Variants in CNTNAP2 observed in about 807,000 individuals in gnomAD.
CNTNAP2 encodes the protein contactin-associated protein-like 2.
A neutral mutation model predicts 155.2 loss-of-function variants in CNTNAP2; 98 were observed. That is an observed-to-expected ratio of 0.63 (90% CI 0.54 to 0.75). The LOEUF (loss-of-function observed/expected upper bound fraction) is 0.75, where lower values mean the gene tolerates loss of function less well. CNTNAP2 is among the 30% of genes least tolerant of loss of function. CNTNAP2 has a pLI of 0.00. For missense variants in CNTNAP2, 1,727 were observed against 1,688.1 expected (o/e 1.02, Z -0.40); for synonymous variants, 651 against 631.2 (o/e 1.03, Z -0.47).
At chr7:146,558,492 T>C (rs1472178943) in intron 1 of CNTNAP2, among the ~76,000 whole-genome samples, 2 of 152,186 alleles carry the variant, frequency 1.3e-5, no homozygotes, top group African/African-American at 2.4e-5. Context: ...AAGTTGGAGA[T>C]AAGTATGGAC....
At chr7:148,047,672 T>A (rs1418047357) in intron 15 of CNTNAP2, among the ~76,000 whole-genome samples, 1 of 152,230 alleles carries the variant, frequency 6.6e-6, no homozygotes, top group Non-Finnish European at 1.5e-5. Context: ...ATCATGAGTG[T>A]TATGCCACTC....
chr7:148,254,808 A>G (rs1411102547), intron 20 of CNTNAP2, among the ~76,000 whole-genome samples: 11 of 151,606 alleles, frequency 7.3e-5, no homozygotes, highest in Admixed American at 7.2e-4. Flanking sequence ...TAACCATAAC[A>G]TTATACAATT....
At chr7:148,047,151 G>A (rs1005065388) in intron 15 of CNTNAP2, among the ~76,000 whole-genome samples, 4 of 151,958 alleles carry the variant, frequency 2.6e-5, no homozygotes, top group African/African-American at 9.7e-5. Context: ...ACTTGCCATT[G>A]GTCATTAATT....
chr7:146,731,688 A>G (rs1296863536), intron 1 of CNTNAP2, among the ~76,000 whole-genome samples: 3 of 152,282 alleles, frequency 2.0e-5, no homozygotes, highest in African/African-American at 7.2e-5. Flanking sequence ...GAAACTTAAA[A>G]CAGCACGGAT....
chr7:147,289,393 G>T (rs1449568034), intron 8 of CNTNAP2, among the ~76,000 whole-genome samples: 3 of 148,540 alleles, frequency 2.0e-5, no homozygotes, highest in Non-Finnish European at 4.5e-5. Context: ...ATTCAACAGA[G>T]AATCAAATAC....
intron 8 of CNTNAP2, among the ~76,000 whole-genome samples, chr7:147,290,404 G>A (rs1038202459): frequency 6.6e-6 from 1 of 152,108 alleles, no homozygotes; most frequent in South Asian, 2.1e-4. Context: ...GACACTGGCA[G>A]GGTGCAGTGG....
At chr7:146,611,873 C>T (rs1192438484) in intron 1 of CNTNAP2, among the ~76,000 whole-genome samples, 1 of 152,120 alleles carries the variant, frequency 6.6e-6, no homozygotes, top group East Asian at 1.9e-4. Context: ...GTCCACAGGC[C>T]AAACAGAAAG....
At chr7:146,226,593 G>T (rs1221376997) in intron 1 of CNTNAP2, among the ~76,000 whole-genome samples, 1 of 152,118 alleles carries the variant, frequency 6.6e-6, no homozygotes, top group East Asian at 1.9e-4. Context: ...ACAGGAGGTT[G>T]AGACTGCAGT....
chr7:147,361,712 C>T (rs900929196), intron 9 of CNTNAP2, among the ~76,000 whole-genome samples: 2 of 151,848 alleles, frequency 1.3e-5, no homozygotes, highest in Non-Finnish European at 2.9e-5. Context: ...AGAATTTTGT[C>T]TGTTTTTTTT....
chr7:147,201,612 G>C (rs1432703246), intron 8 of CNTNAP2, among the ~76,000 whole-genome samples: 1 of 152,142 alleles, frequency 6.6e-6, no homozygotes, highest in African/African-American at 2.4e-5. Flanking sequence ...GAATCAAACA[G>C]TAACACCTCT....
intron 15 of CNTNAP2, among the ~76,000 whole-genome samples, chr7:148,082,026 G>A (rs775549241): frequency 6.6e-6 from 1 of 151,990 alleles, no homozygotes; most frequent in Non-Finnish European, 1.5e-5. Flanking sequence ...TGCTCAGGCC[G>A]GTCTTGAACT....
intron 14 of CNTNAP2, among the ~76,000 whole-genome samples, chr7:147,949,876 C>T (rs1800896032): frequency 6.6e-6 from 1 of 152,064 alleles, no homozygotes; most frequent in Admixed American, 6.6e-5. Context: ...ATGGGTAGTA[C>T]CTGGTCACAG....
chr7:148,012,129 GCTGGC>G (rs746185906), intron 15 of CNTNAP2, among the ~76,000 whole-genome samples: 2 of 152,126 alleles, frequency 1.3e-5, no homozygotes. Context: ...TGTTGCCCAG[GCTGGC>G]CTCAAACTCC....
chr7:146,142,079 A>G (rs1465714342), intron 1 of CNTNAP2, among the ~76,000 whole-genome samples: 1 of 152,148 alleles, frequency 6.6e-6, no homozygotes, highest in African/African-American at 2.4e-5. Context: ...ATCTCACCAT[A>G]TTGCAATTAA....
At chr7:147,416,282 G>A (rs1487346127) in intron 10 of CNTNAP2, among the ~76,000 whole-genome samples, 6 of 152,254 alleles carry the variant, frequency 3.9e-5, no homozygotes, top group Middle Eastern at 3.4e-3. Flanking sequence ...AAACTCATGC[G>A]TGATCATGAG....
At chr7:146,421,703 G>A (rs1796014180) in intron 1 of CNTNAP2, among the ~76,000 whole-genome samples, 1 of 151,854 alleles carries the variant, frequency 6.6e-6, no homozygotes, top group Non-Finnish European at 1.5e-5. Context: ...CAATATAGAT[G>A]AAAGTGAATA....
chr7:147,001,011 G>T (rs1469079728), intron 3 of CNTNAP2, among the ~76,000 whole-genome samples: 2 of 152,020 alleles, frequency 1.3e-5, no homozygotes, highest in Non-Finnish European at 2.9e-5. Flanking sequence ...TTTTACTGTG[G>T]TGGGCCTGGT....
chr7:146,827,064 T>C (rs1033814528), intron 2 of CNTNAP2, among the ~76,000 whole-genome samples: 4 of 152,068 alleles, frequency 2.6e-5, no homozygotes, highest in East Asian at 1.9e-4. Flanking sequence ...GTCGTTCTTA[T>C]ATGTATGCAG....
chr7:148,138,931 G>T (rs1805008808), intron 16 of CNTNAP2, among the ~76,000 whole-genome samples: 1 of 152,130 alleles, frequency 6.6e-6, no homozygotes, highest in South Asian at 2.1e-4. Context: ...GTGGTTAAAT[G>T]CATAGAAAAA....
Sources: allele counts gnomAD v4.1 joint callset (sites outside exome capture counted in the v4.1 genomes callset), GRCh38; gene constraint gnomAD v4.1.1; transcripts MANE v1.5; gene names NCBI Gene and HGNC (gene_info 2026-07-23, HGNC 2026-07-21).